DPP10: variants seen among roughly 807,000 people sequenced by gnomAD.
DPP10 encodes the protein inactive dipeptidyl peptidase 10.
Under a neutral mutation model 120.9 loss-of-function variants are expected in DPP10, and 33 were observed. The ratio of observed to expected loss-of-function variants is 0.27; its 90% CI spans 0.21 to 0.37. The LOEUF is 0.37. DPP10 is among the 10% of genes least tolerant of loss of function. DPP10 has a pLI of 1.00. For synonymous variants in DPP10, 337 were observed against 326.1 expected (o/e 1.03, Z -0.36); for missense variants, 816 against 942.8 (o/e 0.87, Z 1.76).
At chr2:114,881,264 TA>T (rs1441162923) in intron 1 of DPP10, among the ~76,000 whole-genome samples, 2 of 152,092 alleles carry the variant, frequency 1.3e-5, no homozygotes, top group Non-Finnish European at 2.9e-5. Context: ...CAATGGGAGC[TA>T]TTGGGGTCCC....
chr2:115,839,215 G>A (rs10208876), intron 24 of DPP10, among the ~76,000 whole-genome samples: 5,320 of 152,228 alleles, frequency 0.035, 318 homozygotes, highest in African/African-American at 0.12. Context: ...GCCATAGGAA[G>A]ATGTTGAAAA....
At chr2:115,373,397 A>C (rs1005688872) in intron 3 of DPP10, among the ~76,000 whole-genome samples, 5 of 152,174 alleles carry the variant, frequency 3.3e-5, no homozygotes, top group Non-Finnish European at 4.4e-5. Context: ...GTAGTGCTCT[A>C]CAGAATGTTA....
chr2:114,458,856 G>T (rs1318389602), intron 1 of DPP10, among the ~76,000 whole-genome samples: 1 of 152,120 alleles, frequency 6.6e-6, no homozygotes. Flanking sequence ...AATGTTGAAG[G>T]TCATCTTGTC....
intron 1 of DPP10, among the ~76,000 whole-genome samples, chr2:114,664,504 C>CTGTT (rs1278845449): frequency 6.6e-6 from 1 of 151,726 alleles, no homozygotes; most frequent in African/African-American, 2.4e-5. Context: ...TGGTGCGCAC[C>CTGTT]TGTTATCCCA....
chr2:115,753,114 G>A (rs1678959043), intron 10 of DPP10, 60 bp from the exon 11 acceptor site: 1 of 1,503,432 alleles, frequency 6.7e-7, no homozygotes, highest in Non-Finnish European at 9.0e-7. Flanking sequence ...AATGTATATT[G>A]TTGGTACTAT....
intron 1 of DPP10, among the ~76,000 whole-genome samples, chr2:115,087,538 C>CTT (rs56685721): frequency 2.8e-4 from 28 of 99,232 alleles, no homozygotes; most frequent in African/African-American, 8.2e-4. Flanking sequence ...CTTTTCTTTT[C>CTT]TTTTTTTTTT....
At chr2:115,082,127 T>A (rs1337610830) in intron 1 of DPP10, among the ~76,000 whole-genome samples, 4 of 152,216 alleles carry the variant, frequency 2.6e-5, no homozygotes, top group African/African-American at 9.6e-5. Flanking sequence ...GGCCAGAATG[T>A]CCCTGTAAGC....
intron 1 of DPP10, among the ~76,000 whole-genome samples, chr2:114,520,706 C>G (rs79180426): frequency 6.6e-6 from 1 of 152,134 alleles, no homozygotes; most frequent in African/African-American, 2.4e-5. Flanking sequence ...AATCTTCTCT[C>G]TGTCTTGAAA....
At chr2:114,837,916 A>T (rs763207985) in intron 1 of DPP10, among the ~76,000 whole-genome samples, 1 of 152,214 alleles carries the variant, frequency 6.6e-6, no homozygotes, top group Non-Finnish European at 1.5e-5. Context: ...TTTATGTTTC[A>T]GTCAGAGTAG....
chr2:114,467,183 T>G (rs546931392), intron 1 of DPP10, among the ~76,000 whole-genome samples: 1 of 152,212 alleles, frequency 6.6e-6, no homozygotes, highest in African/African-American at 2.4e-5. Context: ...ATTAAAATAG[T>G]AAGTGGTAAG....
chr2:115,166,919 A>C (rs1049925289), intron 1 of DPP10, among the ~76,000 whole-genome samples: 1 of 152,182 alleles, frequency 6.6e-6, no homozygotes. Flanking sequence ...ATTTACTTAC[A>C]GTGTGACATG....
chr2:115,575,862 C>T (rs1309293379), intron 5 of DPP10, among the ~76,000 whole-genome samples: 2 of 152,142 alleles, frequency 1.3e-5, no homozygotes, highest in African/African-American at 2.4e-5. Context: ...GAGGAAGTGA[C>T]GCATGAGCTC....
intron 1 of DPP10, among the ~76,000 whole-genome samples, chr2:114,479,821 A>C (rs930371012): frequency 6.6e-6 from 1 of 152,220 alleles, no homozygotes; most frequent in African/African-American, 2.4e-5. Flanking sequence ...CTTCATGTCT[A>C]AAACACCAAA....
chr2:114,482,733 C>A (rs1004383073), intron 1 of DPP10, among the ~76,000 whole-genome samples: 1 of 152,152 alleles, frequency 6.6e-6, no homozygotes, highest in African/African-American at 2.4e-5. Context: ...GATAGAGACT[C>A]TTCAGCTTTA....
At chr2:115,550,937 A>G (rs1235224998) in intron 5 of DPP10, among the ~76,000 whole-genome samples, 3 of 152,198 alleles carry the variant, frequency 2.0e-5, no homozygotes, top group East Asian at 1.9e-4. Flanking sequence ...TAATGCAAAT[A>G]ATGACTAAAA....
At chr2:115,452,018 C>T (rs571373941) in intron 3 of DPP10, among the ~76,000 whole-genome samples, 1 of 151,808 alleles carries the variant, frequency 6.6e-6, no homozygotes, top group Non-Finnish European at 1.5e-5. Flanking sequence ...TACTTGTCAA[C>T]AGATGGGAGC....
chr2:115,336,407 C>T (rs1036086999), intron 2 of DPP10, among the ~76,000 whole-genome samples: 1 of 151,924 alleles, frequency 6.6e-6, no homozygotes, highest in African/African-American at 2.4e-5. Flanking sequence ...GTTTCCAGGT[C>T]TCTAAATACT....
chr2:114,948,625 G>A (rs1002962191), intron 1 of DPP10, among the ~76,000 whole-genome samples: 1 of 152,116 alleles, frequency 6.6e-6, no homozygotes, highest in African/African-American at 2.4e-5. Flanking sequence ...CTGTTTGTCT[G>A]CCTCATACCA....
chr2:114,986,885 C>T (rs889810696), intron 1 of DPP10, among the ~76,000 whole-genome samples: 1 of 152,146 alleles, frequency 6.6e-6, no homozygotes, highest in Non-Finnish European at 1.5e-5. Flanking sequence ...ATTCTCCTGC[C>T]TCAGCCTCCC....
Sources: allele counts gnomAD v4.1 joint callset (sites outside exome capture counted in the v4.1 genomes callset), GRCh38; gene constraint gnomAD v4.1.1; transcripts MANE v1.5; gene names NCBI Gene and HGNC (gene_info 2026-07-23, HGNC 2026-07-21).